The following PLCB4 variants were observed in gnomAD, a reference collection of about 807,000 sequenced individuals.
The protein encoded by PLCB4 is 1-phosphatidylinositol 4,5-bisphosphate phosphodiesterase beta-4.
A neutral mutation model predicts 178.8 loss-of-function variants in PLCB4; 77 were observed. The ratio of observed to expected loss-of-function variants is 0.43; its 90% CI spans 0.36 to 0.52. The LOEUF is 0.52. PLCB4 is among the 20% of genes least tolerant of loss of function. The pLI is 0.00. For missense variants in PLCB4, 1,024 were observed against 1,453.4 expected, an observed-to-expected ratio of 0.70 and a Z score of 4.80; for synonymous variants, 496 against 490.8, an observed-to-expected ratio of 1.01 and a Z score of -0.14.
intron 7 of PLCB4, among the ~76,000 whole-genome samples, chr20:9,355,466 C>T (rs142985031): frequency 1.8e-4 from 28 of 152,032 alleles, no homozygotes; most frequent in African/African-American, 6.5e-4. Flanking sequence ...CACAACAGTC[C>T]CCAGAGTGTG....
intron 32 of PLCB4, among the ~76,000 whole-genome samples, chr20:9,450,607 T>A (rs914003116): frequency 1.3e-5 from 2 of 152,026 alleles, no homozygotes; most frequent in African/African-American, 4.8e-5. Context: ...AAGCAACTCA[T>A]GAATTCGGTT....
At chr20:9,444,438 T>A (rs1394636580) in intron 32 of PLCB4, among the ~76,000 whole-genome samples, 195 bp downstream of exon 32, 1 of 152,226 alleles carries the variant, frequency 6.6e-6, no homozygotes. Context: ...AACAATTCTT[T>A]CAAATGCATA....
intron 7 of PLCB4, among the ~76,000 whole-genome samples, chr20:9,345,454 C>T (rs2033700541): frequency 6.6e-6 from 1 of 152,138 alleles, no homozygotes; most frequent in Non-Finnish European, 1.5e-5. Flanking sequence ...AAGTTGAAGG[C>T]AGTTCAGATG....
At chr20:9,464,251 A>G (rs534873403) in intron 35 of PLCB4, among the ~76,000 whole-genome samples, 2 of 152,244 alleles carry the variant, frequency 1.3e-5, no homozygotes, top group Non-Finnish European at 2.9e-5. Context: ...GACACAACAT[A>G]CCAGAATCTC....
intron 1 of PLCB4, among the ~76,000 whole-genome samples, chr20:9,085,043 A>G (rs1221290734): frequency 7.7e-6 from 1 of 130,706 alleles, no homozygotes; most frequent in African/African-American, 2.8e-5. Context: ...ACAGAGCAAG[A>G]CTCCATCTCA....
chr20:9,371,927 A>C (rs2036284818), intron 10 of PLCB4, among the ~76,000 whole-genome samples: 1 of 152,202 alleles, frequency 6.6e-6, no homozygotes, highest in Non-Finnish European at 1.5e-5. Flanking sequence ...AAATTCACAA[A>C]ATAAGCATAA....
intron 2 of PLCB4, among the ~76,000 whole-genome samples, chr20:9,107,517 G>A (rs549935299): frequency 3.3e-4 from 51 of 152,260 alleles, no homozygotes; most frequent in Non-Finnish European, 5.7e-4. Flanking sequence ...TGTGGGGGGC[G>A]ACCTCCTCAG....
At chr20:9,402,167 G>A (rs1040468218) in intron 20 of PLCB4, among the ~76,000 whole-genome samples, 11 of 152,188 alleles carry the variant, frequency 7.2e-5, no homozygotes, top group African/African-American at 2.2e-4. Context: ...GAAAGGGATC[G>A]GAAACAGCAA....
chr20:9,458,271 A>G (rs1175680289), intron 34 of PLCB4, among the ~76,000 whole-genome samples: 8 of 152,184 alleles, frequency 5.3e-5, no homozygotes, highest in Admixed American at 5.2e-4. Flanking sequence ...TATGTTTTGT[A>G]GGGCATGAAC....
intron 7 of PLCB4, among the ~76,000 whole-genome samples, chr20:9,346,676 G>T (rs1015934058): frequency 6.6e-6 from 1 of 152,218 alleles, no homozygotes; most frequent in Admixed American, 6.5e-5. Flanking sequence ...AAATCAATGA[G>T]GGGGGGCATT....
At chr20:9,306,164 A>G (rs2094762970) in intron 3 of PLCB4, among the ~76,000 whole-genome samples, 1 of 151,964 alleles carries the variant, frequency 6.6e-6, no homozygotes, top group African/African-American at 2.4e-5. Flanking sequence ...GAGTGCAGTG[A>G]TGCAATCTTT....
rs535290058 is a variant in PLCB4, at chr20:9,162,169, T to C, written c.-78-55221T>C. ...TGTCATACCCTGCTTTAAAATAATGTTCTCTGCTAATTTGTCCCTTGTTCC... is the reference window on the plus strand; with the variant it reads ...TGTCATACCCTGCTTTAAAATAATGCTCTCTGCTAATTTGTCCCTTGTTCC... On this transcript the variant is annotated intron_variant, in intron 2 of 39. Transcript: ENST00000378473. 2.0e-5 allele frequency among the ~76,000 whole-genome samples: 3 copies of C among 152,332 alleles called. No individual in the cohort carries two copies. In the East Asian group the frequency reaches 5.8e-4, roughly 29 times the overall value.
At chr20:9,165,556 A>C (rs986241546) in intron 2 of PLCB4, among the ~76,000 whole-genome samples, 2 of 152,168 alleles carry the variant, frequency 1.3e-5, no homozygotes, top group African/African-American at 2.4e-5. Context: ...ATGATTAACT[A>C]AATGTGGGAG....
intron 2 of PLCB4, among the ~76,000 whole-genome samples, chr20:9,115,869 G>A (rs2091762525): frequency 1.3e-5 from 2 of 151,408 alleles, no homozygotes; most frequent in Non-Finnish European, 2.9e-5. Context: ...TATGATTTTA[G>A]GCTCTAGATT....
chr20:9,188,352 G>T, intron 2 of PLCB4, among the ~76,000 whole-genome samples: 1 of 152,234 alleles, frequency 6.6e-6, no homozygotes, highest in East Asian at 1.9e-4. Context: ...GGAGTCACTT[G>T]TCATGTGCGA....
chr20:9,213,127 ACT>A (rs1491295805), intron 2 of PLCB4, among the ~76,000 whole-genome samples: 1 of 82,682 alleles, frequency 1.2e-5, no homozygotes, highest in Admixed American at 1.6e-4. Context: ...CCGTTAGCAT[ACT>A]TTTTTTTTTT....
chr20:9,338,932 A>G lies in PLCB4; in HGVS notation c.264A>G (p.Lys88=), dbSNP rs1305143807. ...TGGCTGCTCTTGAAGCTGTTGGAAA[A>G]TCAGAAAATGATCTGGAAGGGCGGA... ...KILAALEAVG[K]SENDLEGRIV... The change falls in exon 7 of 40, where the codon AAA becomes AAG. Residue 88 remains lysine (K), a synonymous_variant. Coordinates refer to ENST00000378473, the MANE Select transcript of PLCB4 (RefSeq NM_001377142.1). 1.2e-6 allele frequency: 2 copies of G among 1,613,450 alleles called. No individual in the cohort carries two copies. Among genetic ancestry groups the G allele is most frequent in the Non-Finnish European group, 1.7e-6 (2 of 1,179,692 alleles).
At chr20:9,145,811 A>G (rs1044539823) in intron 2 of PLCB4, among the ~76,000 whole-genome samples, 4 of 152,222 alleles carry the variant, frequency 2.6e-5, no homozygotes, top group Non-Finnish European at 5.9e-5. Context: ...TGTTAATATC[A>G]GGTAAATTCT....
At chr20:9,225,414 A>C (rs988379110) in intron 3 of PLCB4, among the ~76,000 whole-genome samples, 1 of 152,222 alleles carries the variant, frequency 6.6e-6, no homozygotes, top group African/African-American at 2.4e-5. Flanking sequence ...TTCTACCTTC[A>C]GTTTACCTTC....
Sources: allele counts gnomAD v4.1 joint callset (sites outside exome capture counted in the v4.1 genomes callset), GRCh38; gene constraint gnomAD v4.1.1; transcripts MANE v1.5; gene names NCBI Gene and HGNC (gene_info 2026-07-23, HGNC 2026-07-21).